ANK2: variants seen among roughly 807,000 people sequenced by gnomAD.
The protein encoded by ANK2 is ankyrin 2, also known as ankyrin-2.
Under a neutral mutation model 360.5 loss-of-function variants are expected in ANK2, and 83 were observed. The observed-to-expected ratio is 0.23, with a 90% confidence interval of 0.19 to 0.28. The LOEUF is 0.28. Among genes scored for constraint, ANK2 ranks in the 10% least tolerant of loss-of-function variants. ANK2 has a pLI of 1.00. For missense variants in ANK2, 4,201 were observed against 4,795.7 expected (o/e 0.88, Z 3.66); for synonymous variants, 1,740 against 1,759.5 (o/e 0.99, Z 0.28).
chr4:113,305,002 A>G (rs997524928), intron 23 of ANK2, among the ~76,000 whole-genome samples: 1 of 152,230 alleles, frequency 6.6e-6, no homozygotes, highest in Non-Finnish European at 1.5e-5. Flanking sequence ...TCCATTAGTT[A>G]ATACATTTAA....
At chr4:112,968,090 A>G (rs2038034698) in intron 2 of ANK2, among the ~76,000 whole-genome samples, 1 of 152,140 alleles carries the variant, frequency 6.6e-6, no homozygotes, top group Admixed American at 6.6e-5. Context: ...GGAATGTGTA[A>G]CTTTCAGAAG....
At chr4:113,360,527 A>G (rs1370523642) in intron 38 of ANK2, among the ~76,000 whole-genome samples, 8 of 152,112 alleles carry the variant, frequency 5.3e-5, no homozygotes, top group Admixed American at 4.6e-4. Flanking sequence ...GGTGGGCAGT[A>G]TTCTCTCCAA....
At chr4:113,147,594 C>G (rs373018681) in intron 1 of ANK2, among the ~76,000 whole-genome samples, 7 of 151,934 alleles carry the variant, frequency 4.6e-5, no homozygotes, top group Non-Finnish European at 8.8e-5. Flanking sequence ...GATATTCTGC[C>G]CAGAATTTTT....
At chr4:113,343,175 T>G in intron 34 of ANK2, 33 bp downstream of exon 34, 1 of 1,609,242 alleles carries the variant, frequency 6.2e-7, no homozygotes, top group Non-Finnish European at 8.5e-7. Context: ...TGATGCATTT[T>G]TTTCAAGATC....
At chr4:112,738,842 C>T in the ANK2 span, 3 of 639,504 alleles carry the variant, frequency 4.7e-6, no homozygotes, top group Non-Finnish European at 8.8e-6. Flanking sequence ...TGATGCCCAA[C>T]ATTGGTTATG....
rs530662224 is a variant in ANK2, at chr4:113,106,994, T to G, written c.84+57182T>G. 1.6e-4 allele frequency: 79 copies of G among 504,278 alleles called. No homozygotes were observed. The East Asian group carries it at 4.4e-3, about 28-fold the overall frequency. 31.2% of individuals were successfully genotyped at this position (504,278 alleles called of 1,614,324 possible). A position where few individuals can be genotyped will look rare whatever the true frequency, so the allele number is the denominator to read the frequency against. ...TCCATTTGGAATTATGCATACTTGG[T>G]GTCAAATGGTGATTGTTCTTTGTTG... On this transcript the variant is annotated intron_variant, in intron 1 of 45. Transcript: ENST00000357077.
the ANK2 span, among the ~76,000 whole-genome samples, chr4:112,721,847 T>C: frequency 1.3e-5 from 2 of 152,106 alleles, no homozygotes; most frequent in Non-Finnish European, 2.9e-5. Flanking sequence ...AGTAAGTGAG[T>C]CACCTGGGAT....
intron 10 of ANK2, among the ~76,000 whole-genome samples, chr4:113,252,191 C>T (rs541237529): frequency 2.0e-5 from 3 of 152,240 alleles, no homozygotes; most frequent in Admixed American, 1.3e-4. Context: ...GGGCTTTCCC[C>T]TTATAAAACC....
intron 25 of ANK2, 86 bp downstream of exon 25, chr4:113,317,895 T>C: frequency 9.1e-7 from 1 of 1,103,684 alleles, no homozygotes; most frequent in East Asian, 2.5e-5. Context: ...AGAAAGTTTT[T>C]AATCCCCCCA....
rs188631482 is a variant in ANK2 at position 113,252,089 on chromosome 4, C to T, written c.990+2227C>T. ...CCACCTGAGGAGGAACTCACAGTCA[C>T]GAGGCTGAGGAGGCTTCACAATCAT... On this transcript the variant is annotated intron_variant, in intron 10 of 45. Coordinates refer to ENST00000357077, the MANE Select transcript of ANK2 (RefSeq NM_001148.6). 2.7e-3 allele frequency among the ~76,000 whole-genome samples: 410 copies of T among 152,184 alleles called. 3 individuals carry two copies. Among genetic ancestry groups the T allele is most frequent in the African/African-American group, 9.5e-3 (395 of 41,512 alleles).
intron 1 of ANK2, among the ~76,000 whole-genome samples, chr4:113,069,479 G>A (rs573670710): frequency 1.3e-5 from 2 of 152,264 alleles, no homozygotes; most frequent in East Asian, 1.9e-4. Flanking sequence ...TCCAATCAAC[G>A]AAGATCAGCA....
At chr4:113,029,343 T>C (rs1449788960) in intron 2 of ANK2, among the ~76,000 whole-genome samples, 2 of 152,050 alleles carry the variant, frequency 1.3e-5, no homozygotes, top group Non-Finnish European at 2.9e-5. Flanking sequence ...CAAGCAATTC[T>C]CCTGCCTCAA....
intron 24 of ANK2, among the ~76,000 whole-genome samples, chr4:113,314,006 G>A (rs1486418361): frequency 6.6e-6 from 1 of 152,096 alleles, no homozygotes; most frequent in African/African-American, 2.4e-5. Context: ...CATTAGCATG[G>A]CTTTCCCCAA....
Position 113,042,542 on chromosome 4 carries a change from G to A in ANK2, c.22-131874G>A, listed in dbSNP as rs542436735. ...ACATTGGGGGTTTGAATTTCAACAT[G>A]TAAATTTTGCAGGGACACAAATGTT... is the stretch of plus-strand genomic sequence containing the variant. On this transcript the variant is annotated intron_variant, in intron 2 of 30. Coordinates refer to the ANK2 transcript ENST00000503271. Among the ~76,000 whole-genome samples, 255 of 152,236 alleles carry A rather than the reference G, an allele frequency of 1.7e-3. 1 individual carries two copies. Among genetic ancestry groups the A allele is most frequent in the Middle Eastern group, 6.8e-3 (2 of 294 alleles).
At position 113,076,130 on chromosome 4, in the gene ANK2, C is replaced by T. The variant is rs560249405; in HGVS notation, c.84+26318C>T. 4.6e-5 allele frequency among the ~76,000 whole-genome samples: 7 copies of T among 152,300 alleles called. No homozygotes were observed. The South Asian group carries it at 1.5e-3, about 32-fold the overall frequency. On this transcript the variant is annotated intron_variant, in intron 1 of 45. Coordinates refer to ENST00000357077, the MANE Select transcript of ANK2 (RefSeq NM_001148.6). ...AGGGGTATCCAATCTTTTGGCTTCA[C>T]TGGGCCGCATTAGAAGAATAAATGT... is the stretch of plus-strand genomic sequence containing the variant.
chr4:113,302,898 AC>A lies in ANK2; in HGVS notation c.2548+62del, dbSNP rs146427813. 0.011 allele frequency: 15,699 copies of A among 1,456,898 alleles called. 1,352 individuals carry two copies. The African/African-American group carries it at 0.19, about 18-fold the overall frequency. The allele number at this position is 1,456,898 out of a possible 1,614,324, so 90.2% of individuals were successfully genotyped here. A position where few individuals can be genotyped will look rare whatever the true frequency, so the allele number is the denominator to read the frequency against. On this transcript the variant is annotated intron_variant, in intron 23 of 45. Coordinates refer to ENST00000357077, the MANE Select transcript of ANK2 (RefSeq NM_001148.6). ...TCATGTTCTTACACAAGGGCAAATTACCCTTTTTTTCAGAGACCAAGCTGGT... is the reference window on the plus strand; with the variant it reads ...TCATGTTCTTACACAAGGGCAAATTACCTTTTTTTCAGAGACCAAGCTGGT...
intron 1 of ANK2, chr4:112,826,259 G>T: frequency 2.1e-6 from 1 of 476,786 alleles, no homozygotes; most frequent in Non-Finnish European, 3.7e-6. Context: ...CTCATAACCT[G>T]TTGTTACTAT....
At chr4:112,754,139 ATATAT>A in the ANK2 span, among the ~76,000 whole-genome samples, 181 of 142,850 alleles carry the variant, frequency 1.3e-3, no homozygotes, top group African/African-American at 4.5e-3. Flanking sequence ...ATATATATAT[ATATAT>A]ATATAAAATT....
At position 113,330,396 on chromosome 4, in the gene ANK2, G is replaced by GCCT; in HGVS notation, c.3054_3056dup (p.Pro1019dup). 1 of 1,614,220 alleles carries GCCT rather than the reference G, an allele frequency of 6.2e-7. No individual in the cohort carries two copies. Among genetic ancestry groups the GCCT allele is most frequent in the Non-Finnish European group, 8.5e-7 (1 of 1,180,024 alleles). ...TCAAGCGCCACAGACTGGCAACAATGCCTCCAATGGTGGAAGGAGAAGGCC... is the reference window on the plus strand; with the variant it reads ...TCAAGCGCCACAGACTGGCAACAATGCCTCCTCCAATGGTGGAAGGAGAAGGCC... On this transcript the variant is annotated inframe_insertion, in exon 27 of 46. Coordinates refer to ENST00000357077, the MANE Select transcript of ANK2 (RefSeq NM_001148.6).
Sources: allele counts gnomAD v4.1 joint callset (sites outside exome capture counted in the v4.1 genomes callset), GRCh38; gene constraint gnomAD v4.1.1; transcripts MANE v1.5; gene names NCBI Gene and HGNC (gene_info 2026-07-23, HGNC 2026-07-21).